The following COPB2 variants were observed in gnomAD, a reference collection of about 807,000 sequenced individuals.
COPB2 encodes the protein coat protein complex I subunit beta 2.
Under a neutral mutation model 120.8 loss-of-function variants are expected in COPB2, and 16 were observed. The ratio of observed to expected loss-of-function variants is 0.13; its 90% CI spans 0.09 to 0.20. The LOEUF (loss-of-function observed/expected upper bound fraction) is 0.20. Among genes scored for constraint, COPB2 ranks in the 10% least tolerant of loss-of-function variants. The probability of loss-of-function intolerance (pLI) is 1.00; values close to 1 mark genes in which losing one functional copy is unlikely to be tolerated. For missense variants in COPB2, 794 were observed against 1,076.5 expected, an observed-to-expected ratio of 0.74 and a Z score of 3.67; for synonymous variants, 332 against 366.3, an observed-to-expected ratio of 0.91 and a Z score of 1.07.
chr3:139,377,953 G>A (rs995094920), intron 5 of COPB2, 88 bp downstream of exon 5: 1 of 1,254,672 alleles, frequency 8.0e-7, no homozygotes, highest in African/African-American at 1.5e-5. Context: ...TTTAAGATGG[G>A]TACATTTCTG....
Position 139,359,065 on chromosome 3 carries a change from A to C in COPB2, c.2417T>G (p.Val806Gly), listed in dbSNP as rs372129792. Residue 806 changes from valine to glycine, a missense_variant, in exon 19 of 22, where the codon GTT becomes GGT. Coordinates refer to ENST00000333188, the MANE Select transcript of COPB2 (RefSeq NM_004766.3). Reference sequence around the variant, plus strand: ...TGTTTCCTTCACCCATTCTTCAACAACAAAGGCTTCTTTTAATCCAGGGAA... The same window carrying C: ...TGTTTCCTTCACCCATTCTTCAACACCAAAGGCTTCTTTTAATCCAGGGAA... ...NLFPGLKEAF[V>G]VEEWVKETHA... 1.2e-6 allele frequency: 2 copies of C among 1,614,136 alleles called. No individual in the cohort carries two copies. Among genetic ancestry groups the C allele is most frequent in the Non-Finnish European group, 8.5e-7 (1 of 1,180,014 alleles).
Position 139,357,490 on chromosome 3 carries a change from A to C in COPB2, c.*373T>G. 5.1e-6 allele frequency: 1 copy of C among 194,878 alleles called. No individual in the cohort carries two copies. The highest frequency in any genetic ancestry group is 1.3e-4 in the East Asian group (1 of 7,536). The allele number at this position is 194,878 out of a possible 1,614,324, so 12.1% of individuals were successfully genotyped here. A position where few individuals can be genotyped will look rare whatever the true frequency, so the allele number is the denominator to read the frequency against. The stretch of plus-strand genomic sequence containing the variant: ...AAATGCAGATTTAGTTATACAAAGA[A>C]AAGACAGTGGGGCTGATCCCTAGGC... On this transcript the variant is annotated 3_prime_UTR_variant, in exon 22 of 22. Transcript: ENST00000333188.
chr3:139,363,683 A>C (rs184430815), intron 15 of COPB2, among the ~76,000 whole-genome samples: 478 of 152,324 alleles, frequency 3.1e-3, no homozygotes, highest in African/African-American at 0.011. Flanking sequence ...CTGAGGGAGA[A>C]TGCTCATTTA....
intron 4 of COPB2, among the ~76,000 whole-genome samples, chr3:139,378,455 G>A (rs1047820725): frequency 6.6e-6 from 1 of 151,988 alleles, no homozygotes. Context: ...AAATTCAGTG[G>A]GCATTAAAGA....
intron 2 of COPB2, chr3:139,381,676 A>G (rs1576378748): frequency 6.6e-6 from 1 of 152,344 alleles, no homozygotes; most frequent in East Asian, 1.9e-4. Flanking sequence ...AAAAGGAGGC[A>G]AAGTGGAAAT....
At chr3:139,374,817 G>A (rs1483101039) in intron 6 of COPB2, among the ~76,000 whole-genome samples, 1 of 151,950 alleles carries the variant, frequency 6.6e-6, no homozygotes, top group Non-Finnish European at 1.5e-5. Flanking sequence ...TAAAGAAGGG[G>A]AAAAAAACCC....
chr3:139,367,271 G>T, intron 13 of COPB2, 126 bp from the exon 14 acceptor site: 3 of 962,102 alleles, frequency 3.1e-6, no homozygotes, highest in Non-Finnish European at 4.2e-6. Flanking sequence ...CCTATTTCTA[G>T]AAAAAAAAAA....
chr3:139,359,136 C>A lies in COPB2; in HGVS notation c.2346G>T (p.Gln782His), dbSNP rs1576368421. The A allele has an allele frequency of 6.2e-7, 1 of 1,614,032 alleles. No individual in the cohort carries two copies. The stretch of plus-strand genomic sequence containing the variant: ...GGTCAGCAAGGGATTCTGCTGCTTT[C>A]TGATTGACTTTTGAGAGATTCTCTC... ...LWRENLSKVN[Q>H]KAAESLADPT... The change falls in exon 19 of 22, where the codon CAG (glutamine) becomes CAT (histidine). Residue 782 changes from glutamine (Q) to histidine (H), a missense_variant. Gln to His is a conservative substitution (Grantham distance 24). Coordinates refer to ENST00000333188, the MANE Select transcript of COPB2 (RefSeq NM_004766.3).
chr3:139,369,389 T>C (rs763014120), intron 11 of COPB2, 22 bp from the exon 12 acceptor site: 2 of 1,608,692 alleles, frequency 1.2e-6, no homozygotes, highest in East Asian at 2.2e-5. Context: ...ATAAAAAGAG[T>C]TTTGCTTAGG....
chr3:139,383,222 A>T (rs2107810220), intron 2 of COPB2, 76 bp downstream of exon 2: 1 of 1,524,996 alleles, frequency 6.6e-7, no homozygotes, highest in Non-Finnish European at 9.1e-7. Context: ...ATTCTGTTAT[A>T]ATATTTCTTC....
intron 1 of COPB2, among the ~76,000 whole-genome samples, chr3:139,386,444 G>C (rs1378726655): frequency 6.6e-6 from 1 of 151,952 alleles, no homozygotes; most frequent in Non-Finnish European, 1.5e-5. Flanking sequence ...TAGAGACAGG[G>C]TTTCACCATA....
chr3:139,368,536 C>T (rs1012579526), intron 12 of COPB2, among the ~76,000 whole-genome samples: 14 of 152,182 alleles, frequency 9.2e-5, no homozygotes, highest in African/African-American at 3.4e-4. Flanking sequence ...ATGTGCTACA[C>T]AGAGGACCAG....
At position 139,369,473 on chromosome 3, in the gene COPB2, G is replaced by A. The variant is rs1941583687; in HGVS notation, c.1277C>T (p.Pro426Leu). 1.9e-6 allele frequency: 3 copies of A among 1,610,928 alleles called. No homozygotes were observed. Among genetic ancestry groups the A allele is most frequent in the Non-Finnish European group, 2.5e-6 (3 of 1,178,248 alleles). Residue 426 changes from proline to leucine, a missense_variant, in exon 11 of 22, where the codon CCA (proline) becomes CTA (leucine). By Grantham distance (98) the Pro-to-Leu change is moderately conservative. Around this residue, in one of 3 missense-constraint regions of COPB2, gnomAD observed 610 missense variants for 866.7 expected, o/e 0.70. Coordinates refer to ENST00000333188, the MANE Select transcript of COPB2 (RefSeq NM_004766.3). ...KNFKEKKSFK[P>L]DFGAESIYGG... ...ACACTCACTTTCTGCTCCAAAATCT[G>A]GTTTAAATGATTTTTTTTCCTTAAA...
At position 139,358,741 on chromosome 3, in the gene COPB2, G is replaced by C. The variant is rs1239300545; in HGVS notation, c.2553+3C>G. 6.3e-7 allele frequency: 1 copy of C among 1,599,838 alleles called. No individual in the cohort carries two copies. Among genetic ancestry groups the C allele is most frequent in the South Asian group, 1.1e-5 (1 of 90,808 alleles). On this transcript the variant is annotated splice_donor_region_variant and intron_variant, in intron 20 of 21. Transcript: ENST00000333188. Reference sequence around the variant, plus strand: ...AATTTATCACATGAAGTGCTCTACTGACCTGTTGAGCTGTAGATCTTGAGG... The same window carrying C: ...AATTTATCACATGAAGTGCTCTACTCACCTGTTGAGCTGTAGATCTTGAGG...
intron 10 of COPB2, among the ~76,000 whole-genome samples, 187 bp from the exon 11 acceptor site, chr3:139,369,731 A>C (rs1941587632): frequency 6.6e-6 from 1 of 152,210 alleles, no homozygotes; most frequent in African/African-American, 2.4e-5. Flanking sequence ...CAAATGATGA[A>C]AGGGTTTTAT....
intron 6 of COPB2, 69 bp from the exon 7 acceptor site, chr3:139,374,657 TCA>T: frequency 1.6e-6 from 2 of 1,263,508 alleles, no homozygotes; most frequent in Non-Finnish European, 1.1e-6. Flanking sequence ...CTTAATTTTC[TCA>T]GTGTACAGAT....
intron 9 of COPB2, among the ~76,000 whole-genome samples, chr3:139,372,296 T>G (rs1326462701): frequency 6.6e-6 from 1 of 152,194 alleles, no homozygotes; most frequent in Non-Finnish European, 1.5e-5. Flanking sequence ...TCACTCCAGG[T>G]TTTAAAGACT....
intron 5 of COPB2, among the ~76,000 whole-genome samples, chr3:139,376,939 C>A (rs372913507): frequency 6.6e-5 from 10 of 152,086 alleles, no homozygotes; most frequent in Admixed American, 6.5e-4. Flanking sequence ...TTAGTAGAGA[C>A]GGGGTTTCAC....
At chr3:139,371,278 G>C (rs1225165247) in intron 10 of COPB2, among the ~76,000 whole-genome samples, 1 of 152,138 alleles carries the variant, frequency 6.6e-6, no homozygotes, top group Non-Finnish European at 1.5e-5. Flanking sequence ...TTTTAAAAAA[G>C]ATTTAATAAA....
Sources: gnomAD v4.1 joint callset for allele counts (sites outside exome capture counted in the v4.1 genomes callset) on GRCh38, gnomAD v4.1.1 for gene constraint, gnomAD v4.1.1 regional missense constraint, MANE v1.5 for transcripts, NCBI Gene and HGNC (gene_info 2026-07-23, HGNC 2026-07-21) for gene names.